Variants in DPH6 observed in about 807,000 individuals in gnomAD.
DPH6 encodes diphthine--ammonia ligase.
In DPH6, 33 loss-of-function variants were observed where a neutral mutation model predicts 38.2. The ratio of observed to expected loss-of-function variants is 0.86; its 90% CI spans 0.65 to 1.15. The LOEUF (loss-of-function observed/expected upper bound fraction) is 1.15, where lower values mean the gene tolerates loss of function less well. Ranked by LOEUF, DPH6 falls within the 50% of genes most tolerant of loss-of-function variation. DPH6 has a pLI of 0.00. For missense variants in DPH6, 325 were observed against 320.0 expected, an observed-to-expected ratio of 1.02 and a Z score of -0.12; for synonymous variants, 108 against 103.0, an observed-to-expected ratio of 1.05 and a Z score of -0.30.
At chr15:35,405,997 T>C (rs1294439638) in intron 6 of DPH6, among the ~76,000 whole-genome samples, 1 of 152,062 alleles carries the variant, frequency 6.6e-6, no homozygotes, top group African/African-American at 2.4e-5. Context: ...TTTATTGTGT[T>C]GAATTTATTT....
chr15:35,273,433 C>G (rs1370121872), intron 3 of DPH6, among the ~76,000 whole-genome samples: 1 of 152,146 alleles, frequency 6.6e-6, no homozygotes, highest in Non-Finnish European at 1.5e-5. Context: ...TCCTGAGTTA[C>G]TTCACTTAGA....
At chr15:35,341,589 T>C (rs2140878417) in intron 3 of DPH6, among the ~76,000 whole-genome samples, 1 of 152,314 alleles carries the variant, frequency 6.6e-6, no homozygotes, top group South Asian at 2.1e-4. Flanking sequence ...TTCTGTTTGT[T>C]TTTCTTTTAA....
At chr15:35,433,410 C>A (rs2053656466) in intron 5 of DPH6, among the ~76,000 whole-genome samples, 1 of 152,138 alleles carries the variant, frequency 6.6e-6, no homozygotes, top group Admixed American at 6.6e-5. Context: ...AGCCAAGACT[C>A]CAGGCCTTAA....
chr15:35,459,676 C>T (rs931381593), intron 3 of DPH6, among the ~76,000 whole-genome samples: 1 of 152,082 alleles, frequency 6.6e-6, no homozygotes, highest in Non-Finnish European at 1.5e-5. Context: ...GAGTGGAAGA[C>T]ACCGGGGGTA....
intron 5 of DPH6, 117 bp from the exon 6 acceptor site, chr15:35,411,013 G>T: frequency 1.2e-6 from 1 of 808,774 alleles, no homozygotes; most frequent in Non-Finnish European, 1.9e-6. Flanking sequence ...ATTTTGAATT[G>T]CTTTGATCAT....
intron 6 of DPH6, chr15:35,400,591 A>C: frequency 2.4e-6 from 1 of 416,992 alleles, no homozygotes; most frequent in Non-Finnish European, 4.4e-6. Context: ...ATTTGAGAAT[A>C]TAAACCTTGA....
chr15:35,511,311 G>A (rs2054766855), intron 3 of DPH6, among the ~76,000 whole-genome samples: 2 of 151,336 alleles, frequency 1.3e-5, no homozygotes, highest in South Asian at 4.2e-4. Flanking sequence ...ATGAAGGAGG[G>A]AAAAAAAGAG....
chr15:35,435,834 G>T (rs889608918), intron 5 of DPH6, among the ~76,000 whole-genome samples: 1 of 151,916 alleles, frequency 6.6e-6, no homozygotes, highest in African/African-American at 2.4e-5. Flanking sequence ...GAGCCTTCTT[G>T]TCCTTGGACT....
chr15:35,190,436 C>G, the DPH6 span, among the ~76,000 whole-genome samples: 5 of 152,126 alleles, frequency 3.3e-5, no homozygotes, highest in Admixed American at 3.3e-4. Flanking sequence ...TCATAGGGAG[C>G]TGAAGTGGGT....
intron 3 of DPH6, among the ~76,000 whole-genome samples, chr15:35,504,289 C>T (rs1371448469): frequency 6.6e-6 from 1 of 151,950 alleles, no homozygotes; most frequent in African/African-American, 2.4e-5. Context: ...TATATATCAT[C>T]TAGTCACACC....
At chr15:35,337,953 T>C (rs1359120017) in intron 3 of DPH6, among the ~76,000 whole-genome samples, 1 of 151,892 alleles carries the variant, frequency 6.6e-6, no homozygotes, top group Non-Finnish European at 1.5e-5. Flanking sequence ...ATTTAATAAA[T>C]GGTGCTGGGA....
chr15:35,520,781 T>C (rs2054912979), intron 3 of DPH6: 2 of 984,812 alleles, frequency 2.0e-6, no homozygotes, highest in South Asian at 4.7e-5. Flanking sequence ...CCTCCATTAA[T>C]GTATATCTAA....
chr15:35,465,970 T>A (rs2054121146), intron 3 of DPH6, among the ~76,000 whole-genome samples: 1 of 152,202 alleles, frequency 6.6e-6, no homozygotes, highest in Non-Finnish European at 1.5e-5. Flanking sequence ...AACCTACATG[T>A]GAAACTAAAT....
the DPH6 span, among the ~76,000 whole-genome samples, chr15:35,210,946 C>CTT: frequency 8.5e-3 from 521 of 61,596 alleles, 131 homozygotes; most frequent in African/African-American, 0.018. Flanking sequence ...AGATAGATCA[C>CTT]TTTTTTTTTT....
chr15:35,513,926 A>G (rs1253913835), intron 3 of DPH6, among the ~76,000 whole-genome samples: 2 of 152,066 alleles, frequency 1.3e-5, no homozygotes, highest in Admixed American at 6.5e-5. Context: ...AATTTTCATA[A>G]AAGTCTTTTT....
the DPH6 span, among the ~76,000 whole-genome samples, chr15:35,151,713 G>A: frequency 1.3e-5 from 2 of 152,228 alleles, no homozygotes; most frequent in Non-Finnish European, 2.9e-5. Flanking sequence ...ACTGGGTTGT[G>A]TTCTGGGCCA....
intron 3 of DPH6, among the ~76,000 whole-genome samples, chr15:35,364,696 A>T (rs1166711028): frequency 1.3e-5 from 2 of 148,846 alleles, no homozygotes; most frequent in Non-Finnish European, 1.5e-5. Flanking sequence ...TTTGTTTTCA[A>T]TTTTTTTTTT....
intron 5 of DPH6, among the ~76,000 whole-genome samples, chr15:35,428,206 C>T (rs1372999569): frequency 6.6e-6 from 1 of 151,978 alleles, no homozygotes; most frequent in Non-Finnish European, 1.5e-5. Flanking sequence ...TGAGGGCTGT[C>T]TCCTTTGAAG....
chr15:35,174,234 G>C, the DPH6 span, among the ~76,000 whole-genome samples: 1 of 102,162 alleles, frequency 9.8e-6, no homozygotes, highest in Non-Finnish European at 2.2e-5. Context: ...TTTTATATTA[G>C]ATCATTATAA....
Sources: allele counts gnomAD v4.1 joint callset (sites outside exome capture counted in the v4.1 genomes callset), GRCh38; gene constraint gnomAD v4.1.1; transcripts MANE v1.5; gene names NCBI Gene and HGNC (gene_info 2026-07-23, HGNC 2026-07-21).